The following SPACA9 variants were observed in gnomAD, a reference collection of about 807,000 sequenced individuals.
SPACA9 encodes the protein sperm acrosome associated 9, also known as sperm acrosome-associated protein 9.
A neutral mutation model predicts 12.5 loss-of-function variants in SPACA9; 14 were observed. The observed-to-expected ratio is 1.12, with a 90% CI of 0.74 to 1.75. The LOEUF is 1.75. SPACA9 is among the 40% of genes most tolerant of loss of function. SPACA9 has a pLI of 0.00. For missense variants in SPACA9, 292 were observed against 291.9 expected (o/e 1.00, Z 0.00); for synonymous variants, 111 against 114.1 (o/e 0.97, Z 0.17).
chr9:132,887,905 A>G lies in SPACA9; in HGVS notation c.347+334A>G, dbSNP rs1305697580. On this transcript the variant is annotated intron_variant, in intron 3 of 3. Transcript: ENST00000356311. This position sits in a 1 kb window ranked among gnomAD's most constrained non-coding sequence, Gnocchi z 5.4. ...GACACCAGAGCCGCCTCCCAGGGGC[A>G]GCAGCACTGGCACTGAGGGCTCCTC... 6.6e-6 allele frequency among the ~76,000 whole-genome samples: 1 copy of G among 152,132 alleles called. No individual in the cohort carries two copies. Among genetic ancestry groups the G allele is most frequent in the African/African-American group, 2.4e-5 (1 of 41,432 alleles).
intron 2 of SPACA9, among the ~76,000 whole-genome samples, chr9:132,886,442 A>G (rs1358098875): frequency 6.6e-6 from 1 of 152,170 alleles, no homozygotes; most frequent in Non-Finnish European, 1.5e-5. Context: ...GGAATTTCTC[A>G]CAATGAACCC....
At position 132,887,348 on chromosome 9, in the gene SPACA9, A is replaced by C; in HGVS notation, c.145-21A>C. 6.2e-7 allele frequency: 1 copy of C among 1,606,100 alleles called. No homozygotes were observed. Among genetic ancestry groups the C allele is most frequent in the Non-Finnish European group, 8.5e-7 (1 of 1,179,230 alleles). On this transcript the variant is annotated intron_variant, in intron 2 of 3. Transcript: ENST00000356311. The surrounding 1 kb of genome is among the most constrained non-coding windows in gnomAD (Gnocchi z 5.4). Reference sequence around the variant, plus strand: ...ACCCGGGTTGGCATGTCCCCAGCTCATGTGGCGGCGGCCCTTGCAGGTGCA... The same window carrying C: ...ACCCGGGTTGGCATGTCCCCAGCTCCTGTGGCGGCGGCCCTTGCAGGTGCA...
chr9:132,887,682 G>C lies in SPACA9; in HGVS notation c.347+111G>C. On this transcript the variant is annotated intron_variant, in intron 3 of 3. Coordinates refer to ENST00000356311, the MANE Select transcript of SPACA9 (RefSeq NM_001316897.2). This position sits in a 1 kb window ranked among gnomAD's most constrained non-coding sequence, Gnocchi z 5.4. ...TGGTGCTCCTATTAGACCACCCCGGGCAGGAAATCCCAGTCTCCACTCATT... is the reference window on the plus strand; with the variant it reads ...TGGTGCTCCTATTAGACCACCCCGGCCAGGAAATCCCAGTCTCCACTCATT... 3.5e-6 allele frequency: 3 copies of C among 862,248 alleles called. No homozygotes were observed. Among genetic ancestry groups the C allele is most frequent in the Non-Finnish European group, 5.5e-6 (3 of 542,322 alleles). 53.4% of individuals were successfully genotyped at this position (862,248 alleles called of 1,614,324 possible).
upstream of SPACA9, chr9:132,878,463 C>T: frequency 1.6e-6 from 2 of 1,221,678 alleles, no homozygotes; most frequent in South Asian, 4.2e-5. This position sits in a 1 kb window ranked among gnomAD's most constrained non-coding sequence, Gnocchi z 4.7. Flanking sequence ...ACCCCGGCCT[C>T]GCTTTTCCCA....
At chr9:132,878,640 C>T, upstream of SPACA9, 1 of 1,033,650 alleles carries the variant, frequency 9.7e-7, no homozygotes, top group South Asian at 4.6e-5. This position sits in a 1 kb window ranked among gnomAD's most constrained non-coding sequence, Gnocchi z 4.7. Flanking sequence ...CCCTGTGCCT[C>T]AGTTTACCCA....
chr9:132,884,131 GC>G (rs1210279049), intron 2 of SPACA9, 40 bp downstream of exon 2: 1 of 1,595,704 alleles, frequency 6.3e-7, no homozygotes, highest in Non-Finnish European at 8.6e-7. Flanking sequence ...GGGGCAACAA[GC>G]CCAGTCCCCT....
In SPACA9 at chr9:132,889,586, A is replaced by T. The variant is rs979265810; in HGVS notation, c.*975A>T. ...CCACCTGGCTAATTTATATATATAT[A>T]TATTTTTTAGTAGAGACGGGGCTTC... On this transcript the variant is annotated 3_prime_UTR_variant, in exon 4 of 4. Transcript: ENST00000356311. The T allele has an allele frequency of 2.9e-6, 1 of 344,088 alleles. No homozygotes were observed. Among genetic ancestry groups the T allele is most frequent in the Non-Finnish European group, 4.1e-6 (1 of 244,578 alleles). 21.3% of individuals were successfully genotyped at this position (344,088 alleles called of 1,614,324 possible).
Position 132,888,520 on chromosome 9 carries a change from C to A in SPACA9, c.578C>A (p.Thr193Asn). 1.3e-6 allele frequency: 2 copies of A among 1,577,970 alleles called. No individual in the cohort carries two copies. The highest frequency in any genetic ancestry group is 1.7e-6 in the Non-Finnish European group (2 of 1,162,672). Residue 193 changes from threonine to asparagine, a missense_variant, in exon 4 of 4, where the codon ACT becomes AAT. Physicochemically the swap from Thr to Asn is moderately conservative, Grantham distance 65. Transcript: ENST00000356311. The surrounding 1 kb of genome is among the most constrained non-coding windows in gnomAD (Gnocchi z 5.0). ...AQAIGTQPRA[T>N]KHKCRQLTKA... Reference sequence around the variant, plus strand: ...GCCATAGGGACCCAGCCCAGGGCCACTAAACACAAGTGTAGACAGCTCACA... The same window carrying A: ...GCCATAGGGACCCAGCCCAGGGCCAATAAACACAAGTGTAGACAGCTCACA...
At chr9:132,883,519 CGT>C (rs954555580) in intron 1 of SPACA9, among the ~76,000 whole-genome samples, 7 of 151,924 alleles carry the variant, frequency 4.6e-5, no homozygotes, top group Non-Finnish European at 8.8e-5. Context: ...TACACGCGTG[CGT>C]GTGTGTGTGT....
chr9:132,879,427 C>G (rs563776821), intron 1 of SPACA9, among the ~76,000 whole-genome samples: 4 of 152,310 alleles, frequency 2.6e-5, no homozygotes, highest in African/African-American at 7.2e-5. Context: ...ACTGTGTGAG[C>G]TTGGCAAACT....
chr9:132,888,325 A>G lies in SPACA9; in HGVS notation c.383A>G (p.Asp128Gly). 1 of 1,613,766 alleles carries G rather than the reference A, an allele frequency of 6.2e-7. No homozygotes were observed. The highest frequency in any genetic ancestry group is 8.5e-7 in the Non-Finnish European group (1 of 1,179,844). The change falls in exon 4 of 4, where the codon GAC (aspartate) becomes GGC (glycine). Residue 128 changes from aspartate to glycine, a missense_variant. Physicochemically the swap from Asp to Gly is moderately conservative, Grantham distance 94. Coordinates refer to ENST00000356311, the MANE Select transcript of SPACA9 (RefSeq NM_001316897.2). The surrounding 1 kb of genome is among the most constrained non-coding windows in gnomAD (Gnocchi z 5.0). ...PHDVVNHLSC[D>G]EARNHYGGVV... ...GATGTGGTGAACCACCTCAGCTGTG[A>G]CGAGGCCCGGAACCACTACGGCGGC...
rs995579133 is a variant in SPACA9, at chr9:132,889,056, C to T, written c.*445C>T. On this transcript the variant is annotated 3_prime_UTR_variant, in exon 4 of 4. Transcript: ENST00000356311. ...AAGTGCTGGGATTACAGGCGTGAGC[C>T]ACAGCGCCCGGCCCTCTTGCTTTAA... 8 of 997,878 alleles carry T rather than the reference C, an allele frequency of 8.0e-6. No individual in the cohort carries two copies. Among genetic ancestry groups the T allele is most frequent in the Non-Finnish European group, 9.6e-6 (8 of 836,530 alleles). The allele number at this position is 997,878 out of a possible 1,614,324, so 61.8% of individuals were successfully genotyped here.
At chr9:132,880,883 C>T (rs60636437) in intron 1 of SPACA9, among the ~76,000 whole-genome samples, 195 of 146,974 alleles carry the variant, frequency 1.3e-3, no homozygotes, top group East Asian at 3.4e-3. Flanking sequence ...AGTGCAGTGG[C>T]GCCATCTCGG....
intron 1 of SPACA9, among the ~76,000 whole-genome samples, chr9:132,881,285 GAAAAAAAAGAAGAAAAA>G (rs1844420673): frequency 3.1e-5 from 3 of 96,464 alleles, no homozygotes; most frequent in African/African-American, 1.1e-4. Context: ...AAAAAAAAAA[GAAAAAAAAGAAGAAAAA>G]AAAAAAAAGA....
chr9:132,882,155 G>A (rs1844444877), intron 1 of SPACA9, among the ~76,000 whole-genome samples: 1 of 152,202 alleles, frequency 6.6e-6, no homozygotes, highest in South Asian at 2.1e-4. Flanking sequence ...CCCTGTGTCT[G>A]TTGACAGTCA....
chr9:132,883,239 C>G (rs1350252545), intron 1 of SPACA9, among the ~76,000 whole-genome samples: 1 of 152,216 alleles, frequency 6.6e-6, no homozygotes, highest in Non-Finnish European at 1.5e-5. Flanking sequence ...AGCCACCAGC[C>G]CTGCCCTGAG....
rs1162263414 is a variant in SPACA9, at chr9:132,889,206, G to A, written c.*595G>A. 1.0e-6 allele frequency: 1 copy of A among 986,236 alleles called. No homozygotes were observed. Among genetic ancestry groups the A allele is most frequent in the East Asian group, 1.1e-4 (1 of 8,826 alleles). The allele number at this position is 986,236 out of a possible 1,614,324, so 61.1% of individuals were successfully genotyped here. A position where few individuals can be genotyped will look rare whatever the true frequency, so the allele number is the denominator to read the frequency against. The stretch of plus-strand genomic sequence containing the variant: ...AGGAGGGCACTGAACTGTCACCTAG[G>A]TCCTCTTTGAGCCACATCCGGCTCC... On this transcript the variant is annotated 3_prime_UTR_variant, in exon 4 of 4. Coordinates refer to ENST00000356311, the MANE Select transcript of SPACA9 (RefSeq NM_001316897.2).
Position 132,889,725 on chromosome 9 carries a change from A to G in SPACA9, c.*1114A>G. 8.4e-7 allele frequency: 1 copy of G among 1,194,956 alleles called. No individual in the cohort carries two copies. The highest frequency in any genetic ancestry group is 1.0e-6 in the Non-Finnish European group (1 of 956,118). The allele number at this position is 1,194,956 out of a possible 1,614,324, so 74.0% of individuals were successfully genotyped here. On this transcript the variant is annotated 3_prime_UTR_variant, in exon 4 of 4. Transcript: ENST00000356311. ...CCACGGCACCTGGCCAGAACTCAGT[A>G]GTGTGTTTAGTTCTCTGGACCACAG... is the stretch of plus-strand genomic sequence containing the variant.
At chr9:132,879,555 A>T (rs1564455097) in intron 1 of SPACA9, among the ~76,000 whole-genome samples, 2 of 152,234 alleles carry the variant, frequency 1.3e-5, no homozygotes, top group Non-Finnish European at 1.5e-5. Context: ...ATATGGGGCT[A>T]CTATTAGTAG....
Sources: allele counts gnomAD v4.1 joint callset (sites outside exome capture counted in the v4.1 genomes callset), GRCh38; gene constraint gnomAD v4.1.1; non-coding constraint Gnocchi (gnomAD v3.1); transcripts MANE v1.5; gene names NCBI Gene and HGNC (gene_info 2026-07-23, HGNC 2026-07-21).